Variants in LMNTD1 observed in about 807,000 individuals in gnomAD.
LMNTD1 encodes lamin tail domain-containing protein 1.
LMNTD1 carries 35 observed loss-of-function variants against 50.9 expected under a neutral mutation model. The ratio of observed to expected loss-of-function variants is 0.69; its 90% CI spans 0.53 to 0.91. The LOEUF is 0.91. Ranked by LOEUF, LMNTD1 falls within the 40% of genes least tolerant of loss-of-function variation. The pLI is 0.00. For missense variants in LMNTD1, 470 were observed against 475.5 expected (o/e 0.99, Z 0.11); for synonymous variants, 153 against 161.9 (o/e 0.94, Z 0.42).
chr12:25,641,954 C>G (rs1003900208), intron 1 of LMNTD1, among the ~76,000 whole-genome samples: 3 of 151,994 alleles, frequency 2.0e-5, no homozygotes, highest in African/African-American at 7.2e-5. Context: ...ATTATTTATA[C>G]TAAACCAAAT....
Position 25,546,410 on chromosome 12 carries a change from G to T in LMNTD1, c.455C>A (p.Ser152Tyr), listed in dbSNP as rs146886635. ...TTGGCCAACTTCTTCAAGAATCATA[G>T]AAAAGTATTTTAAAGTTTTCTGAGT... is the stretch of plus-strand genomic sequence containing the variant. Reference protein sequence around the residue: ...NYTQKTLKYFSMILEEVGQFT... With the variant: ...NYTQKTLKYFYMILEEVGQFT... The change falls in exon 4 of 10, where the codon TCT (serine) becomes TAT (tyrosine). Residue 152 changes from serine to tyrosine, a missense_variant. By Grantham distance (144) the Ser-to-Tyr change is moderately radical (BLOSUM62 -2). Coordinates refer to ENST00000458174, the MANE Select transcript of LMNTD1 (RefSeq NM_001145728.2). 10 of 1,592,248 alleles carry T rather than the reference G, an allele frequency of 6.3e-6. No homozygotes were observed. Among genetic ancestry groups the T allele is most frequent in the Non-Finnish European group, 8.6e-6 (10 of 1,168,674 alleles).
At chr12:25,537,290 A>G (rs1428902846) in intron 4 of LMNTD1, among the ~76,000 whole-genome samples, 2 of 152,220 alleles carry the variant, frequency 1.3e-5, no homozygotes, top group African/African-American at 2.4e-5. Context: ...AGACAAAAAG[A>G]CAGCAGTAAC....
At chr12:25,533,455 T>G (rs1324092914) in intron 4 of LMNTD1, among the ~76,000 whole-genome samples, 1 of 152,142 alleles carries the variant, frequency 6.6e-6, no homozygotes, top group African/African-American at 2.4e-5. Context: ...ATTTATCTAT[T>G]TGTTGGGCTC....
intron 1 of LMNTD1, among the ~76,000 whole-genome samples, chr12:25,646,952 A>G (rs1317034446): frequency 6.6e-6 from 1 of 152,178 alleles, no homozygotes; most frequent in Non-Finnish European, 1.5e-5. Context: ...TTGTTGATGT[A>G]CCTTGTTTAA....
At chr12:25,519,515 A>G (rs279007) in intron 7 of LMNTD1, among the ~76,000 whole-genome samples, 87,057 of 147,980 alleles carry the variant, frequency 0.59, 27,280 homozygotes, top group Non-Finnish European at 0.71. Flanking sequence ...GTGAACCGGC[A>G]GGGCGGAGCC....
chr12:25,539,181 C>A (rs1357706945), intron 4 of LMNTD1, among the ~76,000 whole-genome samples: 3 of 144,148 alleles, frequency 2.1e-5, no homozygotes, highest in African/African-American at 7.7e-5. Flanking sequence ...AGAAAGTCAA[C>A]AAGGATACCC....
At chr12:25,584,426 G>A (rs1428241180) in intron 1 of LMNTD1, among the ~76,000 whole-genome samples, 1 of 152,078 alleles carries the variant, frequency 6.6e-6, no homozygotes, top group African/African-American at 2.4e-5. Flanking sequence ...CATACCTTTA[G>A]TTTTTGGTCA....
At chr12:25,527,627 G>T (rs1482722281) in intron 4 of LMNTD1, among the ~76,000 whole-genome samples, 6 of 101,114 alleles carry the variant, frequency 5.9e-5, no homozygotes, top group African/African-American at 1.9e-4. Context: ...TATATGCCAG[G>T]CACTTAATAA....
intron 4 of LMNTD1, among the ~76,000 whole-genome samples, chr12:25,537,011 T>C (rs1310147667): frequency 2.0e-5 from 3 of 152,220 alleles, no homozygotes; most frequent in Non-Finnish European, 4.4e-5. Flanking sequence ...AATACTGCGC[T>C]TTTCTGACGG....
intron 9 of LMNTD1, among the ~76,000 whole-genome samples, chr12:25,489,613 A>G (rs1419466550): frequency 4.0e-5 from 6 of 151,812 alleles, no homozygotes; most frequent in Non-Finnish European, 8.8e-5. Flanking sequence ...TGGGAGCTGT[A>G]GACCGGAGCT....
intron 9 of LMNTD1, among the ~76,000 whole-genome samples, chr12:25,485,025 T>C (rs902488660): frequency 2.0e-5 from 3 of 152,038 alleles, no homozygotes; most frequent in African/African-American, 7.2e-5. Flanking sequence ...TACCCAGTAA[T>C]GGGATGCCTG....
chr12:25,502,289 A>C (rs1433599634), intron 9 of LMNTD1, among the ~76,000 whole-genome samples: 2 of 152,176 alleles, frequency 1.3e-5, no homozygotes, highest in Admixed American at 1.3e-4. Context: ...CAAATTCAGT[A>C]GAATTCTCTC....
At chr12:25,564,802 T>G (rs961778421) in intron 1 of LMNTD1, among the ~76,000 whole-genome samples, 2 of 152,176 alleles carry the variant, frequency 1.3e-5, no homozygotes, top group Non-Finnish European at 2.9e-5. Flanking sequence ...TGTCTGGAAG[T>G]TCTGTCCAGT....
At chr12:25,648,431 A>G in intron 1 of LMNTD1, 1 of 1,337,954 alleles carries the variant, frequency 7.5e-7, no homozygotes, top group African/African-American at 1.5e-5. Context: ...TAGTATAAAA[A>G]GGAAATGAGG....
intron 1 of LMNTD1, among the ~76,000 whole-genome samples, chr12:25,582,028 C>T (rs1463086467): frequency 6.6e-6 from 1 of 152,354 alleles, no homozygotes. Context: ...TTTATCTCAT[C>T]CTCATCCATG....
In LMNTD1 at chr12:25,546,435, T is replaced by C. The variant is rs775718016; in HGVS notation, c.430A>G (p.Thr144Ala). The change falls in exon 4 of 10, where the codon ACT (threonine) becomes GCT (alanine). Residue 144 changes from threonine (T) to alanine (A), a missense_variant. By Grantham distance (58) the Thr-to-Ala change is moderately conservative. Transcript: ENST00000458174. ...GAAAAGTATTTTAAAGTTTTCTGAG[T>C]GTAGTTTGAGTGTGCTGTAAGTTTC... The part of the protein sequence containing the change: ...SKKLTAHSNY[T>A]QKTLKYFSMI... 1 of 1,599,442 alleles carries C rather than the reference T, an allele frequency of 6.3e-7. No homozygotes were observed. The highest frequency in any genetic ancestry group is 1.7e-5 in the Admixed American group (1 of 58,556).
chr12:25,552,156 C>G (rs1374484929), intron 2 of LMNTD1, among the ~76,000 whole-genome samples: 1 of 152,016 alleles, frequency 6.6e-6, no homozygotes, highest in African/African-American at 2.4e-5. Flanking sequence ...AATGGTAATG[C>G]TTTAGTTGAT....
chr12:25,644,176 G>A (rs376082667), intron 1 of LMNTD1, among the ~76,000 whole-genome samples: 1 of 151,988 alleles, frequency 6.6e-6, no homozygotes, highest in East Asian at 1.9e-4. Context: ...TTCAGTAAAT[G>A]GTTAAGTAGA....
At chr12:25,640,354 A>G (rs2136622775) in intron 1 of LMNTD1, among the ~76,000 whole-genome samples, 1 of 152,220 alleles carries the variant, frequency 6.6e-6, no homozygotes, top group East Asian at 1.9e-4. Context: ...TACAAAAAAT[A>G]CAAAAATTAG....
Sources: allele counts gnomAD v4.1 joint callset (sites outside exome capture counted in the v4.1 genomes callset), GRCh38; gene constraint gnomAD v4.1.1; transcripts MANE v1.5; gene names NCBI Gene and HGNC (gene_info 2026-07-23, HGNC 2026-07-21).